Variants in PIK3R3 observed in about 807,000 individuals in gnomAD.
PIK3R3 encodes phosphatidylinositol 3-kinase regulatory subunit gamma.
PIK3R3 carries 64 observed loss-of-function variants against 62.9 expected under a neutral mutation model. The ratio of observed to expected loss-of-function variants is 1.02; its 90% CI spans 0.83 to 1.25. The LOEUF (loss-of-function observed/expected upper bound fraction) is 1.25. Among genes scored for constraint, PIK3R3 ranks in the 50% most tolerant of loss-of-function variants. The pLI is 0.00. For synonymous variants in PIK3R3, 165 were observed against 189.0 expected, an observed-to-expected ratio of 0.87 and a Z score of 1.04; for missense variants, 614 against 561.6, an observed-to-expected ratio of 1.09 and a Z score of -0.94.
chr1:46,155,654 G>T, the PIK3R3 span, among the ~76,000 whole-genome samples: 1 of 152,084 alleles, frequency 6.6e-6, no homozygotes, highest in Non-Finnish European at 1.5e-5. Context: ...TAGAGATGGG[G>T]TTTTGTCAAG....
chr1:46,157,660 T>C, the PIK3R3 span, among the ~76,000 whole-genome samples: 2 of 152,232 alleles, frequency 1.3e-5, no homozygotes, highest in African/African-American at 4.8e-5. Context: ...CTCCTCTCGC[T>C]GCAGTGAAGG....
intron 1 of PIK3R3, among the ~76,000 whole-genome samples, chr1:46,118,554 C>CTTTTTT (rs1291550266): frequency 1.5e-5 from 2 of 132,204 alleles, no homozygotes; most frequent in Non-Finnish European, 3.3e-5. Context: ...CATTACTTGT[C>CTTTTTT]TTTTTTTTTT....
At chr1:46,132,864 G>T, upstream of PIK3R3, 2 of 1,197,054 alleles carry the variant, frequency 1.7e-6, no homozygotes, top group Non-Finnish European at 2.1e-6. Context: ...CCGCTCTCTA[G>T]GCTTCGGCTC....
the PIK3R3 span, among the ~76,000 whole-genome samples, chr1:46,165,266 C>T: frequency 6.6e-6 from 1 of 151,508 alleles, no homozygotes; most frequent in Non-Finnish European, 1.5e-5. Flanking sequence ...TGCCTTAACT[C>T]AACCCTCACA....
At chr1:46,105,871 A>T (rs1653158988) in intron 1 of PIK3R3, among the ~76,000 whole-genome samples, 1 of 152,172 alleles carries the variant, frequency 6.6e-6, no homozygotes, top group Admixed American at 6.5e-5. Flanking sequence ...TAATTAAATA[A>T]AAAACAGCTC....
At chr1:46,141,247 T>C in the PIK3R3 span, among the ~76,000 whole-genome samples, 2 of 152,100 alleles carry the variant, frequency 1.3e-5, no homozygotes, top group Non-Finnish European at 2.9e-5. Context: ...TTAATTTTTT[T>C]CAAGCACATT....
At chr1:46,097,500 T>C (rs1474660181) in intron 1 of PIK3R3, among the ~76,000 whole-genome samples, 1 of 152,192 alleles carries the variant, frequency 6.6e-6, no homozygotes, top group African/African-American at 2.4e-5. Context: ...TCTAGCATCA[T>C]AATTCATGAT....
chr1:46,174,439 C>T, the PIK3R3 span, among the ~76,000 whole-genome samples: 2 of 152,106 alleles, frequency 1.3e-5, no homozygotes, highest in African/African-American at 4.8e-5. Context: ...GACATAAGCA[C>T]AATTCACTTT....
chr1:46,052,793 A>C (rs1647478873), intron 7 of PIK3R3, among the ~76,000 whole-genome samples: 1 of 152,164 alleles, frequency 6.6e-6, no homozygotes, highest in South Asian at 2.1e-4. Context: ...GTAGTACACC[A>C]AGCTCTCAGC....
At chr1:46,102,784 T>C (rs1288197277) in intron 1 of PIK3R3, among the ~76,000 whole-genome samples, 1 of 143,392 alleles carries the variant, frequency 7.0e-6, no homozygotes, top group Non-Finnish European at 1.5e-5. Context: ...GCAATCCTTC[T>C]TATTCTGGGT....
intron 1 of PIK3R3, among the ~76,000 whole-genome samples, chr1:46,084,825 A>C (rs1379017792): frequency 6.6e-6 from 1 of 152,226 alleles, no homozygotes; most frequent in Non-Finnish European, 1.5e-5. Context: ...AAGGTCAAAC[A>C]CTAAGCTTCT....
upstream of PIK3R3, among the ~76,000 whole-genome samples, chr1:46,134,318 T>G (rs895335723): frequency 1.3e-5 from 2 of 152,162 alleles, no homozygotes; most frequent in Non-Finnish European, 2.9e-5. Flanking sequence ...TGCCCTGAGT[T>G]GAGACAGTTC....
At chr1:46,102,621 A>G (rs1180017323) in intron 1 of PIK3R3, among the ~76,000 whole-genome samples, 2 of 152,072 alleles carry the variant, frequency 1.3e-5, no homozygotes, top group East Asian at 3.8e-4. Flanking sequence ...GATGGCTACT[A>G]AAAGAAAAAA....
chr1:46,173,695 G>T, the PIK3R3 span, among the ~76,000 whole-genome samples: 12 of 151,180 alleles, frequency 7.9e-5, no homozygotes, highest in Non-Finnish European at 1.6e-4. Flanking sequence ...GGAACCTGAA[G>T]GGGGAGGGGC....
At chr1:46,076,800 T>TAC (rs1293781018) in intron 3 of PIK3R3, among the ~76,000 whole-genome samples, 1 of 152,200 alleles carries the variant, frequency 6.6e-6, no homozygotes, top group Non-Finnish European at 1.5e-5. Flanking sequence ...TAATAATACC[T>TAC]ACCTCATAAG....
intron 5 of PIK3R3, among the ~76,000 whole-genome samples, chr1:46,064,894 A>G (rs1205211628): frequency 6.6e-6 from 1 of 152,096 alleles, no homozygotes; most frequent in Non-Finnish European, 1.5e-5. Context: ...ATTAAACTGA[A>G]AGCAAGCAGA....
At chr1:46,163,168 C>T in the PIK3R3 span, among the ~76,000 whole-genome samples, 1 of 152,178 alleles carries the variant, frequency 6.6e-6, no homozygotes, top group Non-Finnish European at 1.5e-5. Context: ...GTCTTAAAAC[C>T]TTCCCTCAAT....
In PIK3R3 at chr1:46,077,140, G is replaced by A. The variant is rs149654703; in HGVS notation, c.314+375C>T. Among the ~76,000 whole-genome samples, 743 of 152,188 alleles carry A rather than the reference G, an allele frequency of 4.9e-3. 4 individuals carry two copies. Among genetic ancestry groups the A allele is most frequent in the African/African-American group, 0.017 (716 of 41,522 alleles). The stretch of plus-strand genomic sequence containing the variant: ...TATCCTCATCAACCAAAATTATGTT[G>A]AGTTCTGCTTTCTAAAGTCTGCATT... On this transcript the variant is annotated intron_variant, in intron 3 of 9. Coordinates refer to ENST00000262741, the MANE Select transcript of PIK3R3 (RefSeq NM_003629.4).
At chr1:46,130,987 G>A (rs1352788856) in intron 1 of PIK3R3, among the ~76,000 whole-genome samples, 1 of 152,052 alleles carries the variant, frequency 6.6e-6, no homozygotes, top group African/African-American at 2.4e-5. Context: ...CTGTAATAGC[G>A]TCAGACAGAG....
Sources: gnomAD v4.1 joint callset for allele counts (sites outside exome capture counted in the v4.1 genomes callset) on GRCh38, gnomAD v4.1.1 for gene constraint, MANE v1.5 for transcripts, NCBI Gene and HGNC (gene_info 2026-07-23, HGNC 2026-07-21) for gene names.